GRM5: variants seen among roughly 807,000 people sequenced by gnomAD.
The protein encoded by GRM5 is metabotropic glutamate receptor 5.
GRM5 carries 19 observed loss-of-function variants against 83.1 expected under a neutral mutation model. That is an observed-to-expected ratio of 0.23 (90% confidence interval 0.16 to 0.34). The LOEUF (loss-of-function observed/expected upper bound fraction) is 0.34, where lower values mean the gene tolerates loss of function less well. Among genes scored for constraint, GRM5 ranks in the 10% least tolerant of loss-of-function variants. The probability of loss-of-function intolerance (pLI) is 1.00; values close to 1 mark genes in which losing one functional copy is unlikely to be tolerated. For missense variants in GRM5, 1,160 were observed against 1,588.3 expected (o/e 0.73, Z 4.58); for synonymous variants, 675 against 633.6 (o/e 1.07, Z -0.98).
chr11:89,048,803 AT>A (rs1941697494), intron 1 of GRM5, among the ~76,000 whole-genome samples: 2 of 152,240 alleles, frequency 1.3e-5, no homozygotes, highest in East Asian at 3.9e-4. Flanking sequence ...ATTAGCACCA[AT>A]TTTTAGAGAA....
intron 3 of GRM5, among the ~76,000 whole-genome samples, chr11:88,817,343 C>CT (rs200577461): frequency 6.6e-5 from 10 of 151,082 alleles, no homozygotes; most frequent in African/African-American, 1.7e-4. Context: ...TTAAATTTCT[C>CT]TTTTTTTTTC....
At chr11:88,941,330 C>G (rs1938081913) in intron 2 of GRM5, among the ~76,000 whole-genome samples, 1 of 149,390 alleles carries the variant, frequency 6.7e-6, no homozygotes, top group South Asian at 2.1e-4. Flanking sequence ...ACTAATGGAA[C>G]ATAACACATT....
chr11:89,052,360 G>T (rs1481126181), intron 1 of GRM5, among the ~76,000 whole-genome samples: 1 of 152,140 alleles, frequency 6.6e-6, no homozygotes, highest in South Asian at 2.1e-4. Flanking sequence ...GGAAAAGCCA[G>T]CTATGAAAAG....
chr11:88,538,900 T>C (rs953796577), intron 8 of GRM5, among the ~76,000 whole-genome samples: 1 of 152,254 alleles, frequency 6.6e-6, no homozygotes, highest in East Asian at 1.9e-4. Flanking sequence ...CTACAAATAG[T>C]AGCTGTGCCA....
intron 2 of GRM5, among the ~76,000 whole-genome samples, chr11:88,923,706 T>C (rs1424474635): frequency 6.6e-6 from 1 of 151,996 alleles, no homozygotes; most frequent in African/African-American, 2.4e-5. Flanking sequence ...ATAGTTGGAA[T>C]GCCCATAACA....
At chr11:89,007,369 T>C (rs1940559176) in intron 2 of GRM5, among the ~76,000 whole-genome samples, 1 of 152,232 alleles carries the variant, frequency 6.6e-6, no homozygotes, top group Non-Finnish European at 1.5e-5. Context: ...GCCAAGTATA[T>C]AGTATGTGTT....
At chr11:88,747,980 C>G (rs1405190477) in intron 3 of GRM5, among the ~76,000 whole-genome samples, 3 of 152,104 alleles carry the variant, frequency 2.0e-5, no homozygotes, top group African/African-American at 2.4e-5. Flanking sequence ...GGCAAACAAC[C>G]TGACCCACGA....
At chr11:88,510,647 G>A (rs1373559317) in intron 9 of GRM5, among the ~76,000 whole-genome samples, 3 of 152,238 alleles carry the variant, frequency 2.0e-5, no homozygotes, top group Admixed American at 6.5e-5. Flanking sequence ...TTCCTGAGAA[G>A]CTGGGATTGT....
chr11:88,714,340 T>A (rs544822143), intron 3 of GRM5, among the ~76,000 whole-genome samples: 157 of 151,992 alleles, frequency 1.0e-3, no homozygotes, highest in African/African-American at 3.7e-3. Flanking sequence ...ATCCCTGATG[T>A]CAGGCATGCA....
intron 3 of GRM5, among the ~76,000 whole-genome samples, chr11:88,745,732 A>C (rs771100926): frequency 7.2e-5 from 11 of 152,190 alleles, no homozygotes; most frequent in Non-Finnish European, 1.0e-4. Context: ...TTGTTGGCAG[A>C]GAAAATGTCA....
chr11:88,541,714 A>G (rs558375713), intron 8 of GRM5, among the ~76,000 whole-genome samples: 4 of 145,738 alleles, frequency 2.7e-5, no homozygotes, highest in African/African-American at 9.7e-5. Flanking sequence ...TGGAAGAAAT[A>G]CCATGTAATT....
chr11:88,669,858 T>C (rs1219390186), intron 3 of GRM5, among the ~76,000 whole-genome samples: 4 of 152,038 alleles, frequency 2.6e-5, no homozygotes, highest in Admixed American at 6.6e-5. Flanking sequence ...TAAAGTCGAT[T>C]ACAGATGGAT....
At position 88,939,564 on chromosome 11, in the gene GRM5, C is replaced by T. The variant is rs147312842; in HGVS notation, c.662-89409G>A. Among the ~76,000 whole-genome samples, 1,415 of 151,746 alleles carry T rather than the reference C, an allele frequency of 9.3e-3. 29 individuals carry two copies. Among genetic ancestry groups the T allele is most frequent in the African/African-American group, 0.033 (1,360 of 41,442 alleles). ...CACTTGGCCTTTTAACGATATTTAC[C>T]GGATAACTCCATGTACAGCATTATC... On this transcript the variant is annotated intron_variant, in intron 2 of 9. Transcript: ENST00000305447.
At chr11:88,814,686 T>G (rs1254737297) in intron 3 of GRM5, among the ~76,000 whole-genome samples, 1 of 152,090 alleles carries the variant, frequency 6.6e-6, no homozygotes, top group Non-Finnish European at 1.5e-5. Flanking sequence ...TTGAAGAGAT[T>G]TATAAAGATA....
At chr11:88,784,904 C>T (rs1338387382) in intron 3 of GRM5, among the ~76,000 whole-genome samples, 1 of 152,006 alleles carries the variant, frequency 6.6e-6, no homozygotes, top group African/African-American at 2.4e-5. Context: ...GTAAATTTAT[C>T]ATGAAATATA....
intron 2 of GRM5, among the ~76,000 whole-genome samples, chr11:88,870,539 T>A (rs1282495541): frequency 6.6e-6 from 1 of 151,540 alleles, no homozygotes; most frequent in Non-Finnish European, 1.5e-5. Flanking sequence ...TTTGGTACCA[T>A]ATTTTGTCTA....
chr11:88,668,299 A>G (rs1305062887), intron 3 of GRM5, among the ~76,000 whole-genome samples: 1 of 29,596 alleles, frequency 3.4e-5, no homozygotes, highest in East Asian at 4.5e-3. Flanking sequence ...AGAAACTCGC[A>G]CACACACACA....
At chr11:88,974,003 A>G (rs925292341) in intron 2 of GRM5, among the ~76,000 whole-genome samples, 3 of 152,160 alleles carry the variant, frequency 2.0e-5, no homozygotes, top group Non-Finnish European at 2.9e-5. Context: ...CAGACATTCA[A>G]TATTCTACTA....
At chr11:88,700,409 A>C (rs1015951669) in intron 3 of GRM5, among the ~76,000 whole-genome samples, 1 of 152,098 alleles carries the variant, frequency 6.6e-6, no homozygotes, top group Non-Finnish European at 1.5e-5. Flanking sequence ...CATTCTTCAG[A>C]ATTGATATAG....
Sources: allele counts gnomAD v4.1 joint callset (sites outside exome capture counted in the v4.1 genomes callset), GRCh38; gene constraint gnomAD v4.1.1; transcripts MANE v1.5; gene names NCBI Gene and HGNC (gene_info 2026-07-23, HGNC 2026-07-21).